Variants in MUC5AC observed in about 807,000 individuals in gnomAD.
The protein encoded by MUC5AC is mucin 5AC, oligomeric mucus/gel-forming.
Under a neutral mutation model 169.7 loss-of-function variants are expected in MUC5AC, and 158 were observed. The ratio of observed to expected loss-of-function variants is 0.93; its 90% CI spans 0.82 to 1.06. The LOEUF (loss-of-function observed/expected upper bound fraction) is 1.06, where lower values mean the gene tolerates loss of function less well. Ranked by LOEUF, MUC5AC falls within the 50% of genes least tolerant of loss-of-function variation. The probability of loss-of-function intolerance (pLI) is 0.00; values close to 1 mark genes in which losing one functional copy is unlikely to be tolerated. For missense variants in MUC5AC, 4,359 were observed against 3,089.9 expected, an observed-to-expected ratio of 1.41 and a Z score of -9.74; for synonymous variants, 1,975 against 1,237.0, an observed-to-expected ratio of 1.60 and a Z score of -12.52.
Position 1,185,215 on chromosome 11 carries a change from C to G in MUC5AC, c.7070C>G (p.Thr2357Ser). 6 of 732,080 alleles carry G rather than the reference C, an allele frequency of 8.2e-6. No homozygotes were observed. The South Asian group carries it at 8.6e-5, about 10-fold the overall frequency. The allele number at this position is 732,080 out of a possible 1,614,324, so 45.3% of individuals were successfully genotyped here. A position where few individuals can be genotyped will look rare whatever the true frequency, so the allele number is the denominator to read the frequency against. Residue 2357 changes from threonine (T) to serine (S), a missense_variant, in exon 31 of 49, where the codon ACC (threonine) becomes AGC (serine). Coordinates refer to ENST00000621226, the MANE Select transcript of MUC5AC (RefSeq NM_001304359.2). ...AGCCCTGTTCCTACCACCAGCATAA[C>G]CTCTGCCCCTACAACCAGCACAACC... ...TPSPVPTTSI[T>S]SAPTTSTTSA...
At chr11:1,172,697 C>A (rs1417626968) in intron 16 of MUC5AC, among the ~76,000 whole-genome samples, 174 bp downstream of exon 16, 1 of 151,014 alleles carries the variant, frequency 6.6e-6, no homozygotes, top group African/African-American at 2.4e-5. Context: ...TTCCCCACAT[C>A]CCCACCCACC....
rs1303997862 is a variant in MUC5AC at position 1,199,014 on chromosome 11, G to T, written c.16296+18G>T. ...GCCCTGTGGTGAGCGCTCCCACCCTGCCCCGACCCTGCCCTGGCTCTTGGG... is the reference window on the plus strand; with the variant it reads ...GCCCTGTGGTGAGCGCTCCCACCCTTCCCCGACCCTGCCCTGGCTCTTGGG... On this transcript the variant is annotated intron_variant, in intron 44 of 48. Coordinates refer to ENST00000621226, the MANE Select transcript of MUC5AC (RefSeq NM_001304359.2). 1.3e-6 allele frequency: 1 copy of T among 763,512 alleles called. No individual in the cohort carries two copies. Among genetic ancestry groups the T allele is most frequent in the South Asian group, 1.3e-5 (1 of 74,410 alleles). The allele number at this position is 763,512 out of a possible 1,614,324, so 47.3% of individuals were successfully genotyped here.
Position 1,188,204 on chromosome 11 carries a change from G to T in MUC5AC, c.10059G>T (p.Trp3353Cys). The T allele has an allele frequency of 2.9e-6, 2 of 681,430 alleles. No homozygotes were observed. Among genetic ancestry groups the T allele is most frequent in the Non-Finnish European group, 5.3e-6 (2 of 375,638 alleles). The allele number at this position is 681,430 out of a possible 1,614,324, so 42.2% of individuals were successfully genotyped here. A position where few individuals can be genotyped will look rare whatever the true frequency, so the allele number is the denominator to read the frequency against. The change falls in exon 31 of 49, where the codon TGG becomes TGT. Residue 3353 changes from tryptophan to cysteine, a missense_variant. Coordinates refer to ENST00000621226, the MANE Select transcript of MUC5AC (RefSeq NM_001304359.2). ...GCCCAACTCAGAGCACTTCCTCTTG[G>T]CAGAAATCCAGGACAACCACTTTGG... ...ATSPTQSTSS[W>C]QKSRTTTLVT...
Position 1,177,254 on chromosome 11 carries a change from C to T in MUC5AC, c.2817C>T (p.Ser939=). The T allele has an allele frequency of 2.4e-6, 1 of 417,160 alleles. No homozygotes were observed. The highest frequency in any genetic ancestry group is 1.1e-4 in the South Asian group (1 of 9,394). 25.8% of individuals were successfully genotyped at this position (417,160 alleles called of 1,614,324 possible). Residue 939 remains serine, a synonymous_variant, in exon 23 of 49, where the codon AGC becomes AGT. Transcript: ENST00000621226. ...AGAACCACTGTGGCGGGAAAGACAG[C>T]ACCCAGGACTCCTTTCGTGTTGTCA... ...LVQNHCGGKD[S]TQDSFRVVTE... is the part of the protein sequence containing the mutation.
At chr11:1,162,300 G>T in intron 4 of MUC5AC, 132 bp downstream of exon 4, 6 of 1,398,064 alleles carry the variant, frequency 4.3e-6, no homozygotes, top group Non-Finnish European at 5.7e-6. Flanking sequence ...GCTGGACATG[G>T]GCCCTCCCTC....
rs1861181568 is a variant in MUC5AC at position 1,193,651 on chromosome 11, A to G, written c.14747A>G (p.Gln4916Arg). The part of the protein sequence containing the change: ...ADQDGCCHHY[Q>R]CQCVCSGWGD... ...CAAGATGGCTGCTGCCATCACTACC[A>G]GTGCCAGTGTGAGTGGAGCGCCGAG... is the stretch of plus-strand genomic sequence containing the variant. Residue 4916 changes from glutamine to arginine, a missense_variant, in exon 33 of 49, where the codon CAG becomes CGG. Physicochemically the swap from Gln to Arg is conservative, Grantham distance 43 (BLOSUM62 1). Coordinates refer to ENST00000621226, the MANE Select transcript of MUC5AC (RefSeq NM_001304359.2). 1.3e-6 allele frequency: 1 copy of G among 764,942 alleles called. No individual in the cohort carries two copies. The highest frequency in any genetic ancestry group is 1.7e-5 in the Admixed American group (1 of 59,030). 47.4% of individuals were successfully genotyped at this position (764,942 alleles called of 1,614,324 possible).
chr11:1,195,992 C>T lies in MUC5AC; in HGVS notation c.15575C>T (p.Ala5192Val), dbSNP rs1302949266. The change falls in exon 37 of 49, where the codon GCG becomes GTG. Residue 5192 changes from alanine to valine, a missense_variant. By Grantham distance (64) the Ala-to-Val change is moderately conservative. Coordinates refer to ENST00000621226, the MANE Select transcript of MUC5AC (RefSeq NM_001304359.2). ...GTGTGCTCCAGCCTGGAGCTGTACG[C>T]GGCACTCTGTGCGTCCCACGACATC... ...DVVCSSLELY[A>V]ALCASHDICI... 14 of 764,860 alleles carry T rather than the reference C, an allele frequency of 1.8e-5. No homozygotes were observed. The highest frequency in any genetic ancestry group is 3.4e-5 in the African/African-American group (2 of 59,148). 47.4% of individuals were successfully genotyped at this position (764,860 alleles called of 1,614,324 possible). A position where few individuals can be genotyped will look rare whatever the true frequency, so the allele number is the denominator to read the frequency against.
At chr11:1,193,012 G>T (rs1414366040) in intron 32 of MUC5AC, 30 bp downstream of exon 32, 1 of 655,298 alleles carries the variant, frequency 1.5e-6, no homozygotes, top group East Asian at 2.7e-5. Context: ...CCTTCTGAAG[G>T]CTCAGGGGCT....
chr11:1,176,798 A>G (rs1240456449), intron 21 of MUC5AC, 130 bp from the exon 22 acceptor site: 1 of 398,388 alleles, frequency 2.5e-6, no homozygotes, highest in Admixed American at 4.4e-5. Context: ...GGACGCCACC[A>G]GCAGCCCCAG....
In MUC5AC at chr11:1,200,658, A is replaced by C. The variant is rs771689753; in HGVS notation, c.16921A>C (p.Ser5641Arg). ...ACCCGAGCCCAGCCAGGAGGCAGAG[A>C]GTGGGAGCTGGGAGAGAGGCGTCCC... is the stretch of plus-strand genomic sequence containing the variant. The part of the protein sequence containing the change: ...AEPEPSQEAE[S>R]GSWERGVPVS... The change falls in exon 49 of 49, where the codon AGT becomes CGT. Residue 5641 changes from serine to arginine, a missense_variant. Ser to Arg is a moderately radical substitution (Grantham distance 110, BLOSUM62 -1). Coordinates refer to ENST00000621226, the MANE Select transcript of MUC5AC (RefSeq NM_001304359.2). The C allele has an allele frequency of 6.6e-6, 5 of 763,184 alleles. No individual in the cohort carries two copies. The highest frequency in any genetic ancestry group is 1.2e-5 in the Non-Finnish European group (5 of 416,586). The allele number at this position is 763,184 out of a possible 1,614,324, so 47.3% of individuals were successfully genotyped here.
At chr11:1,199,592 C>A (rs764409151) in intron 46 of MUC5AC, 102 bp downstream of exon 46, 18 of 692,662 alleles carry the variant, frequency 2.6e-5, no homozygotes, top group Non-Finnish European at 4.5e-5. Flanking sequence ...CCCCCTCCTG[C>A]TTGGGGCTGT....
In MUC5AC at chr11:1,189,407, T is replaced by C. The variant is rs1279786674; in HGVS notation, c.11262T>C (p.Ser3754=). Residue 3754 remains serine, a synonymous_variant, in exon 31 of 49, where the codon TCT becomes TCC. Transcript: ENST00000621226. ...TISAPTTSTT[S]APTASTTSAP... ...CTGCCCCTACAACCAGCACAACCTC[T>C]GCTCCCACAGCCAGCACAACGTCAG... 1.4e-4 allele frequency: 78 copies of C among 564,286 alleles called. No individual in the cohort carries two copies. Among genetic ancestry groups the C allele is most frequent in the East Asian group, 6.5e-4 (23 of 35,304 alleles). The allele number at this position is 564,286 out of a possible 1,614,324, so 35.0% of individuals were successfully genotyped here. A position where few individuals can be genotyped will look rare whatever the true frequency, so the allele number is the denominator to read the frequency against.
intron 15 of MUC5AC, among the ~76,000 whole-genome samples, chr11:1,170,929 AC>A: frequency 8.1e-6 from 1 of 122,700 alleles, no homozygotes; most frequent in African/African-American, 3.2e-5. Flanking sequence ...TCACTCACCC[AC>A]TCACCCATTC....
chr11:1,164,378 G>A (rs984312177), intron 8 of MUC5AC, 29 bp from the exon 9 acceptor site: 2 of 1,611,938 alleles, frequency 1.2e-6, no homozygotes, highest in Non-Finnish European at 1.7e-6. Context: ...GGGGCAGGCA[G>A]ACGTGAGCCC....
chr11:1,164,572 G>T (rs764715927), intron 9 of MUC5AC, 40 bp downstream of exon 9: 1 of 1,573,974 alleles, frequency 6.4e-7, no homozygotes. Context: ...GGTGCACCCC[G>T]ACAACTAGGG....
In MUC5AC at chr11:1,176,555, G is replaced by A; in HGVS notation, c.2544G>A (p.Gly848=). The A allele has an allele frequency of 2.5e-6, 1 of 399,938 alleles. No homozygotes were observed. The highest frequency in any genetic ancestry group is 4.4e-6 in the Non-Finnish European group (1 of 227,064). 24.8% of individuals were successfully genotyped at this position (399,938 alleles called of 1,614,324 possible). A position where few individuals can be genotyped will look rare whatever the true frequency, so the allele number is the denominator to read the frequency against. Residue 848 remains glycine, a synonymous_variant, in exon 21 of 49, where the codon GGG becomes GGA. Coordinates refer to ENST00000621226, the MANE Select transcript of MUC5AC (RefSeq NM_001304359.2). ...QCVPGCVCPD[G]LVADGEGGCI... Reference sequence around the variant, plus strand: ...TGCCTGGCTGCGTGTGCCCCGACGGGCTGGTGGCGGACGGCGAGGGCGGCT... The same window carrying A: ...TGCCTGGCTGCGTGTGCCCCGACGGACTGGTGGCGGACGGCGAGGGCGGCT...
At chr11:1,161,784 C>G in intron 3 of MUC5AC, 123 bp from the exon 4 acceptor site, 1 of 1,414,458 alleles carries the variant, frequency 7.1e-7, no homozygotes, top group Non-Finnish European at 9.4e-7. Context: ...CTGGGTGCCC[C>G]GTCCAGGGCA....
chr11:1,171,546 TACTCAAC>T (rs1860537376), intron 15 of MUC5AC, among the ~76,000 whole-genome samples: 2 of 19,912 alleles, frequency 1.0e-4, no homozygotes, highest in Admixed American at 4.4e-4. Flanking sequence ...CTCACTCACC[TACTCAAC>T]CACCCACTCA....
chr11:1,185,153 T>A lies in MUC5AC; in HGVS notation c.7008T>A (p.Pro2336=). 2.7e-6 allele frequency: 2 copies of A among 728,096 alleles called. No homozygotes were observed. The highest frequency in any genetic ancestry group is 2.9e-5 in the South Asian group (2 of 69,880). The allele number at this position is 728,096 out of a possible 1,614,324, so 45.1% of individuals were successfully genotyped here. A position where few individuals can be genotyped will look rare whatever the true frequency, so the allele number is the denominator to read the frequency against. Residue 2336 remains proline (P), a synonymous_variant, in exon 31 of 49, where the codon CCT becomes CCA. Transcript: ENST00000621226. ...SAPTTSTTSA[P]TSSTTSGPGT... ...CTACAACCAGCACAACCTCTGCCCC[T>A]ACAAGCAGCACAACCTCTGGTCCTG... is the stretch of plus-strand genomic sequence containing the variant.
Sources: gnomAD v4.1 joint callset for allele counts (sites outside exome capture counted in the v4.1 genomes callset) on GRCh38, gnomAD v4.1.1 for gene constraint, MANE v1.5 for transcripts, NCBI Gene and HGNC (gene_info 2026-07-23, HGNC 2026-07-21) for gene names.